BICD1: variants seen among roughly 807,000 people sequenced by gnomAD.
BICD1 encodes the protein BICD cargo adaptor 1.
In BICD1, 35 loss-of-function variants were observed where a neutral mutation model predicts 92.5. The ratio of observed to expected loss-of-function variants is 0.38; its 90% CI spans 0.29 to 0.50. The LOEUF (loss-of-function observed/expected upper bound fraction) is 0.50. Ranked by LOEUF, BICD1 falls within the 20% of genes least tolerant of loss-of-function variation. The probability of loss-of-function intolerance (pLI) is 0.93; values close to 1 mark genes in which losing one functional copy is unlikely to be tolerated. For synonymous variants in BICD1, 429 were observed against 465.1 expected (o/e 0.92, Z 1.00); for missense variants, 950 against 1,189.8 (o/e 0.80, Z 2.97).
At chr12:32,117,950 A>T (rs1175181143) in intron 1 of BICD1, among the ~76,000 whole-genome samples, 6 of 151,126 alleles carry the variant, frequency 4.0e-5, no homozygotes, top group Non-Finnish European at 7.4e-5. Context: ...GGGTTTCTCC[A>T]TGTTGGTCAG....
chr12:32,220,938 T>C (rs1945498601), intron 2 of BICD1, among the ~76,000 whole-genome samples: 4 of 148,916 alleles, frequency 2.7e-5, no homozygotes, highest in African/African-American at 1.0e-4. Context: ...GTTCATGTCC[T>C]TTGTAGGGAC....
intron 1 of BICD1, among the ~76,000 whole-genome samples, chr12:32,180,660 C>A (rs1944245058): frequency 6.6e-6 from 1 of 151,960 alleles, no homozygotes; most frequent in Non-Finnish European, 1.5e-5. Flanking sequence ...TTTCTCCTAA[C>A]CTTCTTCTTT....
At chr12:32,256,718 A>T (rs531062852) in intron 2 of BICD1, among the ~76,000 whole-genome samples, 2 of 152,364 alleles carry the variant, frequency 1.3e-5, no homozygotes, top group South Asian at 2.1e-4. Context: ...TGGCTGTGTC[A>T]CTGTGGATTC....
Position 32,126,573 on chromosome 12 carries a change from A to G in BICD1, c.213+19029A>G, listed in dbSNP as rs902260856. On this transcript the variant is annotated intron_variant, in intron 1 of 9. Transcript: ENST00000652176. ...GGAGTTCGAGATCAGCCTGGCCAACATAGTGAAACCTTGTTTCTACTAAAA... is the reference window on the plus strand; with the variant it reads ...GGAGTTCGAGATCAGCCTGGCCAACGTAGTGAAACCTTGTTTCTACTAAAA... Among the ~76,000 whole-genome samples the G allele has an allele frequency of 5.9e-5, 9 of 152,214 alleles. No homozygotes were observed. The East Asian group carries it at 1.7e-3, about 29-fold the overall frequency.
intron 1 of BICD1, among the ~76,000 whole-genome samples, chr12:32,144,264 T>G (rs1422153378): frequency 6.6e-6 from 1 of 152,226 alleles, no homozygotes; most frequent in Non-Finnish European, 1.5e-5. Context: ...TAAATTATTG[T>G]GACCATCTTT....
At position 32,252,057 on chromosome 12, in the gene BICD1, T is replaced by TATTTATAATATATATTTATA. The variant is rs1183308412; in HGVS notation, c.426+35600_426+35601insTTATAATATATATTTATAAT. ...TAATATATATTTATAATAAATATTA[T>TATTTATAATATATATTTATA]ATATTATATATTTATAATATATATT... On this transcript the variant is annotated intron_variant, in intron 2 of 9. Coordinates refer to ENST00000652176, the MANE Select transcript of BICD1 (RefSeq NM_001714.4). 8.4e-5 allele frequency among the ~76,000 whole-genome samples: 4 copies of TATTTATAATATATATTTATA among 47,854 alleles called. No homozygotes were observed. In the East Asian group the frequency reaches 2.9e-3, roughly 34 times the overall value. The allele number at this position is 47,854 out of a possible 152,430, so 31.4% of individuals were successfully genotyped here.
intron 9 of BICD1, among the ~76,000 whole-genome samples, chr12:32,369,753 T>TA (rs397754189): frequency 1.3e-5 from 2 of 151,020 alleles, no homozygotes; most frequent in Non-Finnish European, 2.9e-5. Flanking sequence ...TTTTTTTTTT[T>TA]AAATTAGCCA....
At chr12:32,127,907 C>CTTT (rs369889963) in intron 1 of BICD1, among the ~76,000 whole-genome samples, 40,612 of 143,358 alleles carry the variant, frequency 0.28, 5,882 homozygotes, top group Admixed American at 0.42. Context: ...TGATCTAATT[C>CTTT]TTTTTTTTTT....
intron 1 of BICD1, among the ~76,000 whole-genome samples, chr12:32,215,156 G>A (rs1054876741): frequency 2.0e-5 from 3 of 151,786 alleles, no homozygotes; most frequent in African/African-American, 4.8e-5. Flanking sequence ...TTGAACCCAG[G>A]AGGCAGAGGT....
At chr12:32,241,564 G>A (rs1164010078) in intron 2 of BICD1, among the ~76,000 whole-genome samples, 1 of 152,194 alleles carries the variant, frequency 6.6e-6, no homozygotes, top group African/African-American at 2.4e-5. Flanking sequence ...GTTCTTCTCT[G>A]TGTATGGTTA....
At chr12:32,357,458 T>C (rs1434760435) in intron 8 of BICD1, among the ~76,000 whole-genome samples, 3 of 152,188 alleles carry the variant, frequency 2.0e-5, no homozygotes, top group Non-Finnish European at 4.4e-5. Context: ...TCTTGGTTTA[T>C]TTAGACTGAA....
rs184957533 is a variant in BICD1, at chr12:32,244,087, T to G, written c.426+27628T>G. Among the ~76,000 whole-genome samples, 44 of 152,316 alleles carry G rather than the reference T, an allele frequency of 2.9e-4. No individual in the cohort carries two copies. In the East Asian group the frequency reaches 6.4e-3, roughly 22 times the overall value. On this transcript the variant is annotated intron_variant, in intron 2 of 9. Transcript: ENST00000652176. ...GAAGACTCATTCTTTATCTGCTATT[T>G]CAAAATTAAAATCATTGTCTTTCAT...
At position 32,337,888 on chromosome 12, in the gene BICD1, CTTG is replaced by C; in HGVS notation, c.2570+77_2570+79del. On this transcript the variant is annotated intron_variant, in intron 7 of 9. Coordinates refer to ENST00000652176, the MANE Select transcript of BICD1 (RefSeq NM_001714.4). This position sits in a 1 kb window ranked among gnomAD's most constrained non-coding sequence, Gnocchi z 4.7. ...AGTTAACTGCAAAAATAAATGTGCT[CTTG>C]TTGTGGAGGATGGAGGAGGGGAAGC... 2.0e-6 allele frequency: 3 copies of C among 1,536,658 alleles called. No individual in the cohort carries two copies. Among genetic ancestry groups the C allele is most frequent in the African/African-American group, 1.4e-5 (1 of 73,372 alleles).
intron 2 of BICD1, among the ~76,000 whole-genome samples, chr12:32,263,554 A>G (rs1193815045): frequency 6.6e-6 from 1 of 152,120 alleles, no homozygotes; most frequent in East Asian, 1.9e-4. Flanking sequence ...AAAAAGAAAA[A>G]AAAAAAAAAA....
chr12:32,178,386 AT>A (rs1267391914), intron 1 of BICD1, among the ~76,000 whole-genome samples: 2 of 151,944 alleles, frequency 1.3e-5, no homozygotes, highest in African/African-American at 4.8e-5. Context: ...TCTCCACTTG[AT>A]TGACCTGGAG....
At chr12:32,160,796 C>T (rs1421509377) in intron 1 of BICD1, among the ~76,000 whole-genome samples, 1 of 93,138 alleles carries the variant, frequency 1.1e-5, no homozygotes, top group African/African-American at 4.3e-5. Flanking sequence ...GTATCATACA[C>T]ACATACACAG....
chr12:32,171,644 A>G lies in BICD1; in HGVS notation c.214-44603A>G, dbSNP rs149204994. ...TTTTTATATTTATGTTTAAAAAATT[A>G]TAAACTAGGCTAGGCACAGTGGCTC... On this transcript the variant is annotated intron_variant, in intron 1 of 9. Transcript: ENST00000652176. 7.0e-3 allele frequency among the ~76,000 whole-genome samples: 1,064 copies of G among 152,242 alleles called. 12 individuals carry two copies. The highest frequency in any genetic ancestry group is 0.024 in the African/African-American group (987 of 41,550).
At chr12:32,351,909 G>GA (rs1395621932) in intron 8 of BICD1, among the ~76,000 whole-genome samples, 1,221 of 122,046 alleles carry the variant, frequency 0.01, 11 homozygotes, top group African/African-American at 0.031. Context: ...ACTCTGTCTC[G>GA]AAAAAAAAAA....
At chr12:32,317,534 A>G (rs75402504) in intron 4 of BICD1, among the ~76,000 whole-genome samples, 35,561 of 151,724 alleles carry the variant, frequency 0.23, 4,369 homozygotes, top group South Asian at 0.33. Flanking sequence ...CATATCCTGC[A>G]CCCACTTTTT....
Sources: gnomAD v4.1 joint callset for allele counts (sites outside exome capture counted in the v4.1 genomes callset) on GRCh38, gnomAD v4.1.1 for gene constraint, Gnocchi (gnomAD v3.1) non-coding constraint, MANE v1.5 for transcripts, NCBI Gene and HGNC (gene_info 2026-07-23, HGNC 2026-07-21) for gene names.